Variants in WDFY4 observed in about 807,000 individuals in gnomAD.
WDFY4 encodes the protein WD repeat- and FYVE domain-containing protein 4.
WDFY4 carries 169 observed loss-of-function variants against 351.9 expected under a neutral mutation model. That is an observed-to-expected ratio of 0.48 (90% CI 0.42 to 0.55). The LOEUF (loss-of-function observed/expected upper bound fraction) is 0.55. Among genes scored for constraint, WDFY4 ranks in the 20% least tolerant of loss-of-function variants. The pLI, the probability that WDFY4 is intolerant of heterozygous loss-of-function variation, is 0.00. For missense variants in WDFY4, 3,803 were observed against 3,935.6 expected (o/e 0.97, Z 0.90); for synonymous variants, 1,622 against 1,574.6 (o/e 1.03, Z -0.71).
At chr10:48,934,688 C>T (rs533946665) in intron 47 of WDFY4, among the ~76,000 whole-genome samples, 25 of 152,322 alleles carry the variant, frequency 1.6e-4, no homozygotes, top group South Asian at 8.3e-4. Context: ...TTACAGTAAG[C>T]GGTAATCAGG....
chr10:48,714,228 T>C (rs1433893558), intron 2 of WDFY4, among the ~76,000 whole-genome samples: 1 of 152,232 alleles, frequency 6.6e-6, no homozygotes, highest in African/African-American at 2.4e-5. Flanking sequence ...CCTTGCTCAG[T>C]GCTGGGGTTT....
intron 43 of WDFY4, among the ~76,000 whole-genome samples, chr10:48,883,352 G>A (rs73294622): frequency 0.034 from 5,186 of 152,180 alleles, 285 homozygotes; most frequent in African/African-American, 0.12. Flanking sequence ...TTGTTGACCC[G>A]TGAACATGTT....
At chr10:48,941,238 G>A (rs543202466) in intron 47 of WDFY4, among the ~76,000 whole-genome samples, 3 of 152,248 alleles carry the variant, frequency 2.0e-5, no homozygotes, top group South Asian at 2.1e-4. Flanking sequence ...GTGGAGAACC[G>A]GGTGTACGAT....
chr10:48,901,714 C>A, intron 46 of WDFY4, 87 bp from the exon 47 acceptor site: 2 of 1,418,194 alleles, frequency 1.4e-6, no homozygotes, highest in Non-Finnish European at 1.9e-6. Context: ...ATGAGCCTAG[C>A]TTCCTGCCTG....
Position 48,799,896 on chromosome 10 carries a change from T to G in WDFY4, c.4411-3390T>G, listed in dbSNP as rs1304715352. ...TTTGGTTTTGGGTTTTTGTTTTTTG[T>G]TTTTTTTTGAGACAGAGTCTCACTC... On this transcript the variant is annotated intron_variant, in intron 24 of 61. Coordinates refer to ENST00000325239, the MANE Select transcript of WDFY4 (RefSeq NM_001394531.1). 5.3e-5 allele frequency among the ~76,000 whole-genome samples: 8 copies of G among 151,426 alleles called. No homozygotes were observed. The East Asian group carries it at 1.4e-3, about 26-fold the overall frequency.
chr10:48,932,690 G>T (rs1289835381), intron 47 of WDFY4: 1 of 151,824 alleles, frequency 6.6e-6, no homozygotes, highest in African/African-American at 2.4e-5. Flanking sequence ...AAACCAAGGA[G>T]CATTTCAGTT....
chr10:48,801,908 C>T (rs1326972781), intron 24 of WDFY4, among the ~76,000 whole-genome samples: 1 of 151,968 alleles, frequency 6.6e-6, no homozygotes, highest in African/African-American at 2.4e-5. Flanking sequence ...TGAGTATTGA[C>T]CCTATGGGTC....
intron 48 of WDFY4, among the ~76,000 whole-genome samples, chr10:48,942,564 C>A (rs935873272): frequency 6.6e-6 from 1 of 152,212 alleles, no homozygotes; most frequent in African/African-American, 2.4e-5. Flanking sequence ...AGTTGACATT[C>A]AGCCCAGGGT....
At chr10:48,697,575 CT>C (rs1256810445) in intron 1 of WDFY4, among the ~76,000 whole-genome samples, 1 of 152,208 alleles carries the variant, frequency 6.6e-6, no homozygotes, top group African/African-American at 2.4e-5. Context: ...GCACGTGTGA[CT>C]TTTTGGAGTC....
chr10:48,953,099 C>A lies in WDFY4; in HGVS notation c.7978-4030C>A, dbSNP rs539361998. Among the ~76,000 whole-genome samples the A allele has an allele frequency of 9.0e-4, 137 of 152,282 alleles. 1 individual carries two copies. The highest frequency in any genetic ancestry group is 3.2e-3 in the African/African-American group (132 of 41,574). On this transcript the variant is annotated intron_variant, in intron 51 of 61. Coordinates refer to ENST00000325239, the MANE Select transcript of WDFY4 (RefSeq NM_001394531.1). ...AAGATCCCGCCTCTCCTCACTTCCC[C>A]CTGTACCCCACCTCCTACCTTCCAT... is the stretch of plus-strand genomic sequence containing the variant.
At chr10:48,819,284 G>T (rs17011252) in intron 32 of WDFY4, among the ~76,000 whole-genome samples, 8,903 of 152,280 alleles carry the variant, frequency 0.058, 890 homozygotes, top group African/African-American at 0.2. Context: ...CAAGGCCTTT[G>T]TTGTATAGAA....
At chr10:48,743,938 CA>C (rs2064934960) in intron 12 of WDFY4, among the ~76,000 whole-genome samples, 1 of 152,146 alleles carries the variant, frequency 6.6e-6, no homozygotes. Context: ...AGGATGCTGC[CA>C]GGGGTGGGGT....
rs761934424 is a variant in WDFY4 at position 48,821,094 on chromosome 10, G to A, written c.5742G>A (p.Lys1914=). 20 of 1,551,712 alleles carry A rather than the reference G, an allele frequency of 1.3e-5. No individual in the cohort carries two copies. Among genetic ancestry groups the A allele is most frequent in the South Asian group, 4.8e-5 (4 of 84,060 alleles). The part of the protein sequence containing the change: ...ASPDHATSQQ[K]RDFQSEVLLS... ...CAGACCACGCCACCAGCCAACAGAA[G>A]CGAGACTTCCAGTCCGAGGTCCTGC... The change falls in exon 34 of 62, where the codon AAG becomes AAA. Residue 1914 remains lysine, a synonymous_variant. Coordinates refer to ENST00000325239, the MANE Select transcript of WDFY4 (RefSeq NM_001394531.1).
chr10:48,713,226 T>C (rs899299452), intron 2 of WDFY4, among the ~76,000 whole-genome samples: 2 of 152,150 alleles, frequency 1.3e-5, no homozygotes, highest in African/African-American at 4.8e-5. Context: ...TGTGTGTGCC[T>C]CTCCTAAGTT....
intron 48 of WDFY4, among the ~76,000 whole-genome samples, chr10:48,942,389 TGTGTGC>T (rs1374515623): frequency 6.6e-6 from 1 of 151,986 alleles, no homozygotes; most frequent in East Asian, 1.9e-4. Flanking sequence ...CGTGTGTGTG[TGTGTGC>T]GCGCACGCGC....
At chr10:48,706,051 A>G (rs2063618193) in intron 1 of WDFY4, among the ~76,000 whole-genome samples, 1 of 152,222 alleles carries the variant, frequency 6.6e-6, no homozygotes, top group Admixed American at 6.5e-5. Flanking sequence ...TTGGTTGGAC[A>G]CAGTGGCTTT....
intron 43 of WDFY4, among the ~76,000 whole-genome samples, chr10:48,879,586 G>A (rs1361620499): frequency 6.6e-6 from 1 of 152,224 alleles, no homozygotes; most frequent in African/African-American, 2.4e-5. Context: ...TTGGCACAGT[G>A]GGGCTCAGCA....
chr10:48,714,630 T>C (rs1010813026), intron 2 of WDFY4, among the ~76,000 whole-genome samples: 2 of 152,190 alleles, frequency 1.3e-5, no homozygotes, highest in Non-Finnish European at 2.9e-5. Flanking sequence ...TCACTTGAGG[T>C]CCTCATTTTG....
intron 12 of WDFY4, chr10:48,746,028 C>G (rs1003440954): frequency 1.8e-5 from 3 of 168,956 alleles, no homozygotes; most frequent in Non-Finnish European, 2.7e-5. Context: ...TCTCGCAGCG[C>G]ACCACCACCT....
Sources: gnomAD v4.1 joint callset for allele counts (sites outside exome capture counted in the v4.1 genomes callset) on GRCh38, gnomAD v4.1.1 for gene constraint, MANE v1.5 for transcripts, NCBI Gene and HGNC (gene_info 2026-07-23, HGNC 2026-07-21) for gene names.